The following CACNA2D3 variants were observed in gnomAD, a reference collection of about 807,000 sequenced individuals.
CACNA2D3 encodes the protein calcium voltage-gated channel auxiliary subunit alpha2delta 3.
Under a neutral mutation model 160.6 loss-of-function variants are expected in CACNA2D3, and 60 were observed. The observed-to-expected ratio is 0.37, with a 90% CI of 0.30 to 0.46. The LOEUF is 0.46. CACNA2D3 is among the 20% of genes least tolerant of loss of function. The pLI, the probability that CACNA2D3 is intolerant of heterozygous loss-of-function variation, is 1.00. For synonymous variants in CACNA2D3, 558 were observed against 492.9 expected (o/e 1.13, Z -1.75); for missense variants, 1,205 against 1,365.0 (o/e 0.88, Z 1.85).
At chr3:55,071,233 T>C (rs1323819832) in intron 35 of CACNA2D3, among the ~76,000 whole-genome samples, 1 of 152,146 alleles carries the variant, frequency 6.6e-6, no homozygotes, top group Non-Finnish European at 1.5e-5. Flanking sequence ...TCATTCTGTT[T>C]TAGGAGTGTT....
At chr3:54,147,452 C>T (rs575963756) in intron 2 of CACNA2D3, among the ~76,000 whole-genome samples, 1 of 152,368 alleles carries the variant, frequency 6.6e-6, no homozygotes, top group South Asian at 2.1e-4. Flanking sequence ...AAAACAGACT[C>T]CTTTCTTCTC....
chr3:54,658,303 G>A lies in CACNA2D3; in HGVS notation c.1167+16062G>A, dbSNP rs560559406. Among the ~76,000 whole-genome samples, 6 of 152,216 alleles carry A rather than the reference G, an allele frequency of 3.9e-5. 1 individual carries two copies. In the South Asian group the frequency reaches 1.2e-3, roughly 32 times the overall value. ...GTACCAACTTATATTTCACCAACAG[G>A]GCACAAGTGTTCTTCCTTTTTCTCA... On this transcript the variant is annotated intron_variant, in intron 11 of 37. Coordinates refer to ENST00000474759, the MANE Select transcript of CACNA2D3 (RefSeq NM_018398.3).
At chr3:54,407,261 G>T (rs993094267) in intron 4 of CACNA2D3, among the ~76,000 whole-genome samples, 1 of 152,148 alleles carries the variant, frequency 6.6e-6, no homozygotes, top group East Asian at 1.9e-4. Flanking sequence ...CATAGAGATA[G>T]GGAATTGGCT....
intron 17 of CACNA2D3, among the ~76,000 whole-genome samples, chr3:54,863,110 CT>C (rs1267240723): frequency 6.6e-6 from 1 of 152,184 alleles, no homozygotes; most frequent in Non-Finnish European, 1.5e-5. Flanking sequence ...ACAGCAGTTT[CT>C]GAAAACTTTT....
At chr3:54,922,371 T>A (rs537556883) in intron 27 of CACNA2D3, among the ~76,000 whole-genome samples, 69 of 152,014 alleles carry the variant, frequency 4.5e-4, no homozygotes, top group Admixed American at 7.2e-4. Context: ...AAACTATCTT[T>A]CTGTGTTGGC....
chr3:54,474,040 A>G lies in CACNA2D3; in HGVS notation c.382-29452A>G, dbSNP rs991388560. On this transcript the variant is annotated intron_variant, in intron 4 of 37. Transcript: ENST00000474759. ...AAATACCATTTGACCCAGCCATCCC[A>G]TTACTGGGTATATACCCAAAGGATT... Among the ~76,000 whole-genome samples the G allele has an allele frequency of 2.6e-5, 4 of 152,330 alleles. No individual in the cohort carries two copies. The South Asian group carries it at 8.3e-4, about 32-fold the overall frequency.
intron 4 of CACNA2D3, among the ~76,000 whole-genome samples, chr3:54,412,610 C>CTTTTTTTTTTTTTTTTTTTTTTTTT (rs774491527): frequency 8.3e-6 from 1 of 120,616 alleles, no homozygotes. Flanking sequence ...TGGTCTTGTT[C>CTTTTTTTTTTTTTTTTTTTTTTTTT]TTTTTTTTTT....
intron 2 of CACNA2D3, among the ~76,000 whole-genome samples, chr3:54,320,096 G>A (rs1221953497): frequency 2.6e-5 from 4 of 152,186 alleles, no homozygotes; most frequent in Non-Finnish European, 5.9e-5. Context: ...TAAACTACCA[G>A]GGTATGTGAT....
intron 9 of CACNA2D3, among the ~76,000 whole-genome samples, chr3:54,600,789 G>A (rs1436015923): frequency 6.6e-6 from 1 of 152,038 alleles, no homozygotes; most frequent in Non-Finnish European, 1.5e-5. Context: ...TGAGCCGGGA[G>A]TGGAAGCTGT....
intron 2 of CACNA2D3, among the ~76,000 whole-genome samples, chr3:54,175,441 C>A (rs113233327): frequency 0.23 from 34,070 of 151,338 alleles, 4,334 homozygotes; most frequent in East Asian, 0.39. Flanking sequence ...ATGGTGAAAC[C>A]CCGTCTCTAC....
chr3:54,649,808 C>T (rs2106861555), intron 11 of CACNA2D3, among the ~76,000 whole-genome samples: 1 of 152,350 alleles, frequency 6.6e-6, no homozygotes, highest in African/African-American at 2.4e-5. Flanking sequence ...CTTTGGGAGA[C>T]ACATTCAGTC....
chr3:54,151,565 CT>C (rs2107283488), intron 2 of CACNA2D3, among the ~76,000 whole-genome samples: 1 of 152,300 alleles, frequency 6.6e-6, no homozygotes, highest in East Asian at 1.9e-4. Context: ...CATATATCTA[CT>C]TGCTTTACCA....
At chr3:54,596,966 C>T (rs1469360735) in intron 9 of CACNA2D3, among the ~76,000 whole-genome samples, 2 of 152,224 alleles carry the variant, frequency 1.3e-5, no homozygotes, top group Middle Eastern at 3.4e-3. Context: ...TCACTGCCCT[C>T]CCCACAGGCC....
intron 4 of CACNA2D3, among the ~76,000 whole-genome samples, chr3:54,451,246 T>G (rs1700303416): frequency 8.4e-6 from 1 of 118,838 alleles, no homozygotes; most frequent in South Asian, 3.2e-4. Context: ...TTTTTTTTTT[T>G]TTTTTTTTTT....
At chr3:54,544,852 A>C (rs1323284576) in intron 5 of CACNA2D3, among the ~76,000 whole-genome samples, 1 of 152,272 alleles carries the variant, frequency 6.6e-6, no homozygotes, top group Non-Finnish European at 1.5e-5. Flanking sequence ...TAGCAACTTT[A>C]AATTGACATG....
intron 2 of CACNA2D3, among the ~76,000 whole-genome samples, chr3:54,261,397 A>G (rs562540954): frequency 6.6e-6 from 1 of 152,140 alleles, no homozygotes; most frequent in Non-Finnish European, 1.5e-5. Context: ...TGTGTTTACT[A>G]TCTTCTTCCT....
chr3:54,583,238 C>T (rs1430239176), intron 9 of CACNA2D3, among the ~76,000 whole-genome samples: 1 of 152,118 alleles, frequency 6.6e-6, no homozygotes, highest in Non-Finnish European at 1.5e-5. Flanking sequence ...ATGATCAAAG[C>T]CTTCCTTCAG....
At chr3:54,165,190 T>C (rs569678537) in intron 2 of CACNA2D3, among the ~76,000 whole-genome samples, 39 of 146,262 alleles carry the variant, frequency 2.7e-4, no homozygotes, top group African/African-American at 9.6e-4. Flanking sequence ...TTGAATGGTG[T>C]GTGGGGGGAC....
chr3:54,404,234 A>G (rs1386521857), intron 4 of CACNA2D3, among the ~76,000 whole-genome samples: 1 of 152,210 alleles, frequency 6.6e-6, no homozygotes, highest in Non-Finnish European at 1.5e-5. Context: ...ATATTGATGT[A>G]AAAAATCATC....
Sources: gnomAD v4.1 joint callset for allele counts (sites outside exome capture counted in the v4.1 genomes callset) on GRCh38, gnomAD v4.1.1 for gene constraint, MANE v1.5 for transcripts, NCBI Gene and HGNC (gene_info 2026-07-23, HGNC 2026-07-21) for gene names.